The following UACA variants were observed in gnomAD, a reference collection of about 807,000 sequenced individuals.
UACA encodes nuclear membrane binding protein.
UACA carries 112 observed loss-of-function variants against 160.5 expected under a neutral mutation model. The observed-to-expected ratio is 0.70, with a 90% CI of 0.60 to 0.82. The LOEUF is 0.82. Ranked by LOEUF, UACA falls within the 40% of genes least tolerant of loss-of-function variation. The pLI is 0.00. For synonymous variants in UACA, 557 were observed against 568.4 expected (o/e 0.98, Z 0.29); for missense variants, 1,574 against 1,614.6 (o/e 0.97, Z 0.43).
the UACA span, among the ~76,000 whole-genome samples, chr15:70,775,364 T>A: frequency 6.6e-6 from 1 of 152,182 alleles, no homozygotes. Context: ...GTTCCAGCAC[T>A]CCACTGGAAG....
In UACA at chr15:70,695,031, G is replaced by A. The variant is rs774284055; in HGVS notation, c.287C>T (p.Thr96Ile). ...GGCAAACATACCTGCAGTGTCACTG[G>A]TTGTAATATCAACTCCATGTATAAG... is the stretch of plus-strand genomic sequence containing the variant. ...AILIHGVDITTSDTAGRNALH... is the reference protein window; with the variant it reads ...AILIHGVDITISDTAGRNALH... The change falls in exon 3 of 19, where the codon ACC becomes ATC. Residue 96 changes from threonine to isoleucine, a missense_variant. Coordinates refer to ENST00000322954, the MANE Select transcript of UACA (RefSeq NM_018003.4). The A allele has an allele frequency of 3.7e-6, 6 of 1,609,002 alleles. No individual in the cohort carries two copies. The highest frequency in any genetic ancestry group is 3.3e-5 in the South Asian group (3 of 90,434).
chr15:70,671,405 T>C (rs778301001), intron 14 of UACA: 8 of 189,700 alleles, frequency 4.2e-5, no homozygotes, highest in Non-Finnish European at 7.5e-5. Context: ...TAATAAAACA[T>C]ATATCTTATA....
At chr15:70,710,011 C>T (rs1412334845) in intron 1 of UACA, among the ~76,000 whole-genome samples, 3 of 152,114 alleles carry the variant, frequency 2.0e-5, no homozygotes, top group Non-Finnish European at 2.9e-5. Flanking sequence ...TGGTGGCTCT[C>T]GCCTATAACC....
chr15:70,757,106 T>C (rs898611207), intron 1 of UACA, among the ~76,000 whole-genome samples: 4 of 152,234 alleles, frequency 2.6e-5, no homozygotes, highest in African/African-American at 7.2e-5. Flanking sequence ...TTGTAATCCA[T>C]AGGTTTCTCC....
intron 1 of UACA, among the ~76,000 whole-genome samples, chr15:70,754,467 G>A (rs371424893): frequency 6.0e-4 from 91 of 152,298 alleles, no homozygotes; most frequent in African/African-American, 2.0e-3. Flanking sequence ...CATGTTTAAA[G>A]AAGGTTAGGC....
chr15:70,674,812 G>A (rs956067549), intron 13 of UACA, among the ~76,000 whole-genome samples: 3 of 152,140 alleles, frequency 2.0e-5, no homozygotes, highest in African/African-American at 7.2e-5. Context: ...TGGCCAGGCT[G>A]GTTTCAAACT....
At chr15:70,754,759 G>T (rs1177894493) in intron 1 of UACA, among the ~76,000 whole-genome samples, 1 of 152,174 alleles carries the variant, frequency 6.6e-6, no homozygotes. Context: ...AACTGTTTGT[G>T]TGACTACAAA....
intron 1 of UACA, among the ~76,000 whole-genome samples, chr15:70,748,654 C>T (rs28695177): frequency 0.13 from 20,492 of 152,030 alleles, 1,694 homozygotes; most frequent in African/African-American, 0.23. Context: ...TTCTACCCCT[C>T]CCTTTCCCTG....
upstream of UACA, among the ~76,000 whole-genome samples, chr15:70,767,269 ACAAAAACAAC>A (rs2031037992): frequency 1.6e-4 from 19 of 121,680 alleles, no homozygotes; most frequent in African/African-American, 3.2e-4. Context: ...AAAAACAAAA[ACAAAAACAAC>A]AACAATAAAA....
chr15:70,700,677 T>A (rs1470143447), intron 1 of UACA, among the ~76,000 whole-genome samples: 2 of 152,052 alleles, frequency 1.3e-5, no homozygotes, highest in Admixed American at 6.6e-5. Flanking sequence ...GCCAATAACC[T>A]AGATCTTTTC....
At chr15:70,689,677 T>G (rs920875775) in intron 5 of UACA, among the ~76,000 whole-genome samples, 2 of 152,116 alleles carry the variant, frequency 1.3e-5, no homozygotes, top group African/African-American at 4.8e-5. Context: ...CTGTTTTTTT[T>G]CCTTTGGCCT....
At chr15:70,671,646 C>T (rs538233965) in intron 14 of UACA, 1 of 191,930 alleles carries the variant, frequency 5.2e-6, no homozygotes, top group East Asian at 1.2e-4. Flanking sequence ...TGTTTATGTT[C>T]TTTCCATAAA....
chr15:70,694,508 CAAA>C (rs2140956968), intron 3 of UACA, among the ~76,000 whole-genome samples: 1 of 152,190 alleles, frequency 6.6e-6, no homozygotes, highest in South Asian at 2.1e-4. Flanking sequence ...GGCCTTGGGC[CAAA>C]TTACTTAACA....
intron 17 of UACA, chr15:70,660,479 C>T (rs1896667637): frequency 2.5e-6 from 1 of 407,686 alleles, no homozygotes; most frequent in Non-Finnish European, 4.4e-6. Flanking sequence ...TATCTAGTGC[C>T]ATGAACTTCT....
At chr15:70,749,225 C>T in intron 1 of UACA, 1 of 446,864 alleles carries the variant, frequency 2.2e-6, no homozygotes, top group South Asian at 1.6e-5. Flanking sequence ...TTTTTCATAA[C>T]AAAAAGTTGG....
At position 70,754,692 on chromosome 15, in the gene UACA, T is replaced by G. The variant is rs950433608; in HGVS notation, c.78+8638A>C. On this transcript the variant is annotated intron_variant, in intron 1 of 18. Coordinates refer to ENST00000322954, the MANE Select transcript of UACA (RefSeq NM_018003.4). ...TCTTGGAGACTGTATCATTTGAAAA[T>G]AAGTCAATGTCAACAATATTTAGGA... Among the ~76,000 whole-genome samples, 7 of 151,690 alleles carry G rather than the reference T, an allele frequency of 4.6e-5. No individual in the cohort carries two copies. In the East Asian group the frequency reaches 1.2e-3, roughly 25 times the overall value.
chr15:70,691,505 T>G (rs1326653738), intron 3 of UACA, 142 bp from the exon 4 acceptor site: 2 of 593,062 alleles, frequency 3.4e-6, no homozygotes, highest in Non-Finnish European at 5.8e-6. Context: ...TCCAAAGATG[T>G]TTCATCTAGC....
rs772473505 is a variant in UACA at position 70,668,180 on chromosome 15, C to T, written c.2504G>A (p.Gly835Asp). Reference sequence around the variant, plus strand: ...AGCGTGTATTTTCTCCTGGTCTTCACCACATTTTTTCTTAAGTTCAGACAG... The same window carrying T: ...AGCGTGTATTTTCTCCTGGTCTTCATCACATTTTTTCTTAAGTTCAGACAG... ...KQLSELKKKCGEDQEKIHALT... is the reference protein window; with the variant it reads ...KQLSELKKKCDEDQEKIHALT... Residue 835 changes from glycine (G) to aspartate (D), a missense_variant, in exon 16 of 19, where the codon GGT becomes GAT. Transcript: ENST00000322954. The T allele has an allele frequency of 1.2e-6, 2 of 1,611,330 alleles. No individual in the cohort carries two copies. Among genetic ancestry groups the T allele is most frequent in the Non-Finnish European group, 1.7e-6 (2 of 1,179,458 alleles).
upstream of UACA, among the ~76,000 whole-genome samples, chr15:70,763,961 A>G (rs1197653637): frequency 6.6e-6 from 1 of 152,228 alleles, no homozygotes; most frequent in Non-Finnish European, 1.5e-5. Flanking sequence ...CTGCACACAG[A>G]ACAGCTTTCA....
Sources: gnomAD v4.1 joint callset for allele counts (sites outside exome capture counted in the v4.1 genomes callset) on GRCh38, gnomAD v4.1.1 for gene constraint, MANE v1.5 for transcripts, NCBI Gene and HGNC (gene_info 2026-07-23, HGNC 2026-07-21) for gene names.